The following POLN variants were observed in gnomAD, a reference collection of about 807,000 sequenced individuals.
POLN encodes DNA polymerase N.
Under a neutral mutation model 113.5 loss-of-function variants are expected in POLN, and 108 were observed. The observed-to-expected ratio is 0.95, with a 90% CI of 0.81 to 1.12. The LOEUF (loss-of-function observed/expected upper bound fraction) is 1.12. Among genes scored for constraint, POLN ranks in the 50% most tolerant of loss-of-function variants. POLN has a pLI of 0.00. For missense variants in POLN, 1,097 were observed against 1,077.1 expected (o/e 1.02, Z -0.26); for synonymous variants, 386 against 391.5 (o/e 0.99, Z 0.17).
At chr4:2,122,880 C>T (rs908307458) in intron 19 of POLN, among the ~76,000 whole-genome samples, 2 of 152,052 alleles carry the variant, frequency 1.3e-5, no homozygotes, top group African/African-American at 2.4e-5. Flanking sequence ...AGACCAGGGG[C>T]GGTAGCTCAC....
intron 10 of POLN, 135 bp from the exon 11 acceptor site, chr4:2,174,154 C>T (rs1732936956): frequency 1.2e-6 from 1 of 806,724 alleles, no homozygotes; most frequent in Non-Finnish European, 2.1e-6. Context: ...GCATGCCAAC[C>T]TCTGCACAGG....
chr4:2,090,177 G>A (rs1730632750), intron 20 of POLN: 2 of 987,528 alleles, frequency 2.0e-6, no homozygotes. Flanking sequence ...AAGAAAATAA[G>A]ACTCCTTACC....
intron 13 of POLN, 131 bp from the exon 14 acceptor site, chr4:2,159,342 T>C: frequency 1.3e-6 from 1 of 741,738 alleles, no homozygotes; most frequent in South Asian, 1.8e-5. Flanking sequence ...AGATGCATAA[T>C]AAACTCAAGT....
At chr4:2,206,156 C>T (rs1733837455) in intron 5 of POLN, among the ~76,000 whole-genome samples, 1 of 152,140 alleles carries the variant, frequency 6.6e-6, no homozygotes, top group African/African-American at 2.4e-5. Flanking sequence ...GGGGAAAGGA[C>T]ACCCTATTCA....
chr4:2,106,812 T>C (rs976192783), intron 19 of POLN, among the ~76,000 whole-genome samples: 20 of 152,210 alleles, frequency 1.3e-4, no homozygotes, highest in African/African-American at 4.8e-4. Flanking sequence ...TAATATATTT[T>C]AGTATCTGGC....
intron 24 of POLN, 105 bp from the exon 25 acceptor site, chr4:2,073,134 G>GC: frequency 9.0e-7 from 1 of 1,112,062 alleles, no homozygotes; most frequent in South Asian, 1.3e-5. Context: ...CGGCCCCTGA[G>GC]CCCCCTTGTT....
chr4:2,208,674 A>G (rs1166240561), intron 4 of POLN, among the ~76,000 whole-genome samples, 187 bp from the exon 5 acceptor site: 1 of 152,182 alleles, frequency 6.6e-6, no homozygotes, highest in Non-Finnish European at 1.5e-5. Context: ...CAACCAAGGT[A>G]GGCATGCATA....
chr4:2,079,417 C>G, intron 23 of POLN: 1 of 984,860 alleles, frequency 1.0e-6, no homozygotes, highest in Non-Finnish European at 1.2e-6. Context: ...CTGTGGGGCA[C>G]TAGAGGCTGC....
At position 2,081,235 on chromosome 4, in the gene POLN, A is replaced by C. The variant is rs1008555088; in HGVS notation, c.2309-199T>G. On this transcript the variant is annotated intron_variant, in intron 22 of 25. Coordinates refer to ENST00000511885, the MANE Select transcript of POLN (RefSeq NM_181808.4). ...TCCCGCCCTCTTGCTCCTGCAGGGC[A>C]CCTGGGTTTTGGGTGCCTTACTCCT... 5 of 1,516,816 alleles carry C rather than the reference A, an allele frequency of 3.3e-6. No homozygotes were observed. In the Admixed American group the frequency reaches 5.8e-5, roughly 18 times the overall value. 94.0% of individuals were successfully genotyped at this position (1,516,816 alleles called of 1,614,324 possible). A position where few individuals can be genotyped will look rare whatever the true frequency, so the allele number is the denominator to read the frequency against.
chr4:2,148,299 T>C (rs1290719378), intron 16 of POLN, among the ~76,000 whole-genome samples: 1 of 152,128 alleles, frequency 6.6e-6, no homozygotes, highest in African/African-American at 2.4e-5. Context: ...CAGTGAGCTA[T>C]GGGACAAATT....
In POLN at chr4:2,187,959, T is replaced by TA. The variant is rs1001719098; in HGVS notation, c.1021+5244dup. Among the ~76,000 whole-genome samples, 78 of 151,756 alleles carry TA rather than the reference T, an allele frequency of 5.1e-4. No individual in the cohort carries two copies. The Middle Eastern group carries it at 0.017, about 33-fold the overall frequency. On this transcript the variant is annotated intron_variant, in intron 7 of 25. Coordinates refer to ENST00000511885, the MANE Select transcript of POLN (RefSeq NM_181808.4). ...GACCCCTGTCTCTACAAAATAAAAATAAAAAAATTATCTGGGTGTGGTAGA... is the reference window on the plus strand; with the variant it reads ...GACCCCTGTCTCTACAAAATAAAAATAAAAAAAATTATCTGGGTGTGGTAGA...
rs779311019 is a variant in POLN, at chr4:2,071,989, G to C, written c.*125C>G. 9.3e-7 allele frequency: 1 copy of C among 1,071,006 alleles called. No homozygotes were observed. The allele number at this position is 1,071,006 out of a possible 1,614,324, so 66.3% of individuals were successfully genotyped here. The stretch of plus-strand genomic sequence containing the variant: ...GCTTTGCACAGGCATTTACTCCAGG[G>C]GATGGCGGGCCACCCCAGCCCCAAA... On this transcript the variant is annotated 3_prime_UTR_variant, in exon 26 of 26. Transcript: ENST00000511885. This position sits in a 1 kb window ranked among gnomAD's most constrained non-coding sequence, Gnocchi z 5.2.
intron 21 of POLN, among the ~76,000 whole-genome samples, chr4:2,083,336 C>T (rs1377898811): frequency 6.6e-6 from 1 of 152,224 alleles, no homozygotes; most frequent in Non-Finnish European, 1.5e-5. Context: ...CCCCTCCACA[C>T]GTGGGCTGTG....
intron 23 of POLN, among the ~76,000 whole-genome samples, chr4:2,077,410 G>A (rs988177315): frequency 9.9e-5 from 15 of 152,206 alleles, no homozygotes; most frequent in Admixed American, 4.6e-4. Flanking sequence ...CCCAGACAGC[G>A]GTACACTGGT....
chr4:2,169,383 A>G (rs1273063933), intron 13 of POLN, among the ~76,000 whole-genome samples: 2 of 152,160 alleles, frequency 1.3e-5, no homozygotes, highest in African/African-American at 4.8e-5. Flanking sequence ...AGACGGGGGA[A>G]TGGGGAAAAG....
intron 18 of POLN, among the ~76,000 whole-genome samples, chr4:2,128,624 G>A (rs1731644198): frequency 6.6e-6 from 1 of 152,136 alleles, no homozygotes; most frequent in African/African-American, 2.4e-5. Flanking sequence ...TAGCTGGGAG[G>A]AGTAGGGTCC....
chr4:2,216,115 A>C lies in POLN; in HGVS notation c.134-2989T>G, dbSNP rs187509650. On this transcript the variant is annotated intron_variant, in intron 3 of 25. Transcript: ENST00000511885. ...GTAGTAACAGCTCTACCTCCACCTGACGCCCACGGTCAGCCACCCCAGAAG... is the reference window on the plus strand; with the variant it reads ...GTAGTAACAGCTCTACCTCCACCTGCCGCCCACGGTCAGCCACCCCAGAAG... Among the ~76,000 whole-genome samples, 342 of 152,218 alleles carry C rather than the reference A, an allele frequency of 2.2e-3. 3 individuals carry two copies. Among genetic ancestry groups the C allele is most frequent in the African/African-American group, 6.8e-3 (283 of 41,526 alleles).
chr4:2,189,893 C>G lies in POLN; in HGVS notation c.1021+3311G>C, dbSNP rs531198822. 4.6e-5 allele frequency among the ~76,000 whole-genome samples: 7 copies of G among 151,720 alleles called. No individual in the cohort carries two copies. In the South Asian group the frequency reaches 6.3e-4, roughly 14 times the overall value. The stretch of plus-strand genomic sequence containing the variant: ...AAAATACAAAAATTAGGTGTGGTGG[C>G]GAGTGCCTATAGTCCCAGCTACTTC... On this transcript the variant is annotated intron_variant, in intron 7 of 25. Coordinates refer to ENST00000511885, the MANE Select transcript of POLN (RefSeq NM_181808.4).
chr4:2,088,907 C>T (rs972649652), intron 20 of POLN: 5 of 1,327,482 alleles, frequency 3.8e-6, no homozygotes, highest in Non-Finnish European at 5.2e-6. Flanking sequence ...GTAACGAAGA[C>T]ACAGTGTTGA....
Sources: gnomAD v4.1 joint callset for allele counts (sites outside exome capture counted in the v4.1 genomes callset) on GRCh38, gnomAD v4.1.1 for gene constraint, Gnocchi (gnomAD v3.1) non-coding constraint, MANE v1.5 for transcripts, NCBI Gene and HGNC (gene_info 2026-07-23, HGNC 2026-07-21) for gene names.